The following ANKRD6 variants were observed in gnomAD, a reference collection of about 807,000 sequenced individuals.
ANKRD6 encodes the protein ankyrin repeat domain 6, also known as ankyrin repeat domain-containing protein 6.
Under a neutral mutation model 82.3 loss-of-function variants are expected in ANKRD6, and 56 were observed. The observed-to-expected ratio is 0.68, with a 90% CI of 0.55 to 0.85. ANKRD6 has a LOEUF of 0.85. Among genes scored for constraint, ANKRD6 ranks in the 40% least tolerant of loss-of-function variants. ANKRD6 has a pLI of 0.00. For missense variants in ANKRD6, 852 were observed against 907.6 expected (o/e 0.94, Z 0.79); for synonymous variants, 347 against 352.1 (o/e 0.99, Z 0.16).
intron 9 of ANKRD6, chr6:89,620,353 GTGTCACT>G (rs1802751853): frequency 6.6e-6 from 1 of 152,232 alleles, no homozygotes; most frequent in Non-Finnish European, 1.5e-5. Flanking sequence ...TGACCTCTGA[GTGTCACT>G]TGTCATTTTG....
rs146909340 is a variant in ANKRD6, at chr6:89,443,356, T to C, written c.-144+9981T>C. Among the ~76,000 whole-genome samples the C allele has an allele frequency of 2.0e-5, 3 of 152,286 alleles. No homozygotes were observed. In the East Asian group the frequency reaches 5.8e-4, roughly 29 times the overall value. ...AAATGTAAGAATAATCTGGGGAATA[T>C]ATTAAAATTTGGGAATTCTCAGCCT... On this transcript the variant is annotated intron_variant, in intron 1 of 15. Coordinates refer to ENST00000339746, the MANE Select transcript of ANKRD6 (RefSeq NM_001242809.2).
chr6:89,631,486 CCT>C lies in ANKRD6; in HGVS notation c.*485_*486del, dbSNP rs1234131019. 2 of 152,444 alleles carry C rather than the reference CCT, an allele frequency of 1.3e-5. No homozygotes were observed. The highest frequency in any genetic ancestry group is 2.9e-5 in the Non-Finnish European group (2 of 68,156). The allele number at this position is 152,444 out of a possible 1,614,324, so 9.4% of individuals were successfully genotyped here. ...TAACTCTGAGATGTGCTAAATAAAC[CCT>C]CTTTCTCAAATTCGTAATTCTCCAA... is the stretch of plus-strand genomic sequence containing the variant. On this transcript the variant is annotated 3_prime_UTR_variant, in exon 16 of 16. Coordinates refer to ENST00000339746, the MANE Select transcript of ANKRD6 (RefSeq NM_001242809.2).
At chr6:89,550,851 G>T (rs1785748338) in intron 1 of ANKRD6, among the ~76,000 whole-genome samples, 1 of 152,140 alleles carries the variant, frequency 6.6e-6, no homozygotes, top group Admixed American at 6.5e-5. Flanking sequence ...AGCTACTTGG[G>T]AGGCTGAGGC....
chr6:89,612,140 A>G, intron 5 of ANKRD6, 132 bp from the exon 6 acceptor site: 1 of 719,686 alleles, frequency 1.4e-6, no homozygotes, highest in Non-Finnish European at 2.3e-6. Context: ...CCCCACTGAA[A>G]CCATCGGGCA....
Position 89,631,024 on chromosome 6 carries a change from T to G in ANKRD6, c.*20T>G, listed in dbSNP as rs547924093. ...AATTAGCACCAATAAAGAGGAAATATGAAAGGATTCTTGAAGATTTCCAGT... is the reference window on the plus strand; with the variant it reads ...AATTAGCACCAATAAAGAGGAAATAGGAAAGGATTCTTGAAGATTTCCAGT... On this transcript the variant is annotated 3_prime_UTR_variant, in exon 16 of 16. Coordinates refer to ENST00000339746, the MANE Select transcript of ANKRD6 (RefSeq NM_001242809.2). The G allele has an allele frequency of 6.7e-7, 1 of 1,482,574 alleles. No homozygotes were observed. Among genetic ancestry groups the G allele is most frequent in the African/African-American group, 1.4e-5 (1 of 70,402 alleles). The allele number at this position is 1,482,574 out of a possible 1,614,324, so 91.8% of individuals were successfully genotyped here. A position where few individuals can be genotyped will look rare whatever the true frequency, so the allele number is the denominator to read the frequency against.
chr6:89,546,859 C>T (rs916941844), intron 1 of ANKRD6, among the ~76,000 whole-genome samples: 2 of 152,184 alleles, frequency 1.3e-5, no homozygotes, highest in Non-Finnish European at 2.9e-5. Context: ...CTGTGATTGG[C>T]GTTTTCCAAG....
chr6:89,567,959 T>A (rs1243515783), intron 2 of ANKRD6, among the ~76,000 whole-genome samples: 5 of 152,218 alleles, frequency 3.3e-5, no homozygotes, highest in African/African-American at 1.2e-4. Flanking sequence ...GAAGGTCACC[T>A]GTTAACTTCT....
intron 5 of ANKRD6, 26 bp from the exon 6 acceptor site, chr6:89,612,246 C>T (rs1433753695): frequency 6.5e-7 from 1 of 1,545,512 alleles, no homozygotes; most frequent in Non-Finnish European, 8.8e-7. Flanking sequence ...GCTAATATGT[C>T]CTCCCTCTCT....
intron 1 of ANKRD6, among the ~76,000 whole-genome samples, chr6:89,434,077 C>T (rs540883151): frequency 6.6e-6 from 1 of 152,296 alleles, no homozygotes; most frequent in Admixed American, 6.5e-5. Flanking sequence ...ATGTTTCCCC[C>T]GCGAGGTAGC....
intron 1 of ANKRD6, among the ~76,000 whole-genome samples, chr6:89,505,292 T>C (rs1458757817): frequency 6.6e-6 from 1 of 152,216 alleles, no homozygotes; most frequent in Admixed American, 6.5e-5. Context: ...GGAGGGATCA[T>C]TGTATTTTCA....
intron 2 of ANKRD6, among the ~76,000 whole-genome samples, chr6:89,590,609 A>G (rs1387983131): frequency 6.6e-6 from 1 of 152,208 alleles, no homozygotes; most frequent in African/African-American, 2.4e-5. Context: ...AAAACACCCA[A>G]GAACTTGGGA....
intron 8 of ANKRD6, 37 bp downstream of exon 8, chr6:89,616,694 C>T: frequency 1.3e-6 from 2 of 1,590,968 alleles, no homozygotes; most frequent in East Asian, 2.2e-5. Flanking sequence ...TAAAGTGGTT[C>T]CCACCCCTTT....
intron 9 of ANKRD6, 68 bp from the exon 10 acceptor site, chr6:89,621,854 A>C (rs1202128902): frequency 6.7e-7 from 1 of 1,487,820 alleles, no homozygotes; most frequent in East Asian, 2.3e-5. Flanking sequence ...CCCCAGGTCC[A>C]AGGAGAATTC....
chr6:89,609,154 T>G (rs1046302330), intron 5 of ANKRD6, among the ~76,000 whole-genome samples: 11 of 152,212 alleles, frequency 7.2e-5, no homozygotes, highest in African/African-American at 2.7e-4. Flanking sequence ...CATGGTTCCC[T>G]CATGGATCAA....
At chr6:89,446,768 G>A (rs894413580) in intron 1 of ANKRD6, among the ~76,000 whole-genome samples, 1 of 152,144 alleles carries the variant, frequency 6.6e-6, no homozygotes, top group Admixed American at 6.5e-5. Context: ...CCCATGTGTC[G>A]TGGGAGGGAC....
At chr6:89,501,581 T>C (rs942181302) in intron 1 of ANKRD6, among the ~76,000 whole-genome samples, 12 of 152,236 alleles carry the variant, frequency 7.9e-5, no homozygotes, top group Non-Finnish European at 1.5e-4. Context: ...AGCACATCTC[T>C]CTGGAAGGAA....
At chr6:89,472,255 C>T (rs1775573172) in intron 1 of ANKRD6, among the ~76,000 whole-genome samples, 1 of 152,118 alleles carries the variant, frequency 6.6e-6, no homozygotes, top group Non-Finnish European at 1.5e-5. Flanking sequence ...ACCCTATTTG[C>T]AAATAAGTTC....
intron 9 of ANKRD6, chr6:89,618,240 A>G (rs907822056): frequency 2.3e-5 from 16 of 696,212 alleles, no homozygotes; most frequent in Non-Finnish European, 3.9e-5. Context: ...GGGCCGCCTC[A>G]TCTTCTCCCT....
At chr6:89,566,087 G>A (rs986694140) in intron 1 of ANKRD6, among the ~76,000 whole-genome samples, 1 of 152,222 alleles carries the variant, frequency 6.6e-6, no homozygotes, top group African/African-American at 2.4e-5. Context: ...GGGCTTTAGT[G>A]TTCCATAGGT....
Sources: gnomAD v4.1 joint callset for allele counts (sites outside exome capture counted in the v4.1 genomes callset) on GRCh38, gnomAD v4.1.1 for gene constraint, MANE v1.5 for transcripts, NCBI Gene and HGNC (gene_info 2026-07-23, HGNC 2026-07-21) for gene names.